The following RABGEF1 variants were observed in gnomAD, a reference collection of about 807,000 sequenced individuals.
The protein encoded by RABGEF1 is rab5 GDP/GTP exchange factor.
A neutral mutation model predicts 57.3 loss-of-function variants in RABGEF1; 26 were observed. The observed-to-expected ratio is 0.45, with a 90% CI of 0.33 to 0.63. The LOEUF is 0.63. Ranked by LOEUF, RABGEF1 falls within the 20% of genes least tolerant of loss-of-function variation. RABGEF1 has a pLI of 0.02. For missense variants in RABGEF1, 464 were observed against 607.6 expected, an observed-to-expected ratio of 0.76 and a Z score of 2.48; for synonymous variants, 185 against 210.7, an observed-to-expected ratio of 0.88 and a Z score of 1.06.
chr7:66,800,165 A>C (rs1371715058), intron 7 of RABGEF1, among the ~76,000 whole-genome samples: 1 of 152,240 alleles, frequency 6.6e-6, no homozygotes, highest in Non-Finnish European at 1.5e-5. Flanking sequence ...AACTGATATT[A>C]GTAGTGTTGG....
chr7:66,758,801 G>A (rs2129077616), intron 1 of RABGEF1, among the ~76,000 whole-genome samples: 1 of 152,304 alleles, frequency 6.6e-6, no homozygotes, highest in East Asian at 1.9e-4. Flanking sequence ...GCAGCAGAAT[G>A]ATCTGAGTGT....
chr7:66,747,090 G>A (rs551036191), intron 1 of RABGEF1, among the ~76,000 whole-genome samples: 63 of 152,174 alleles, frequency 4.1e-4, no homozygotes, highest in African/African-American at 1.3e-3. Flanking sequence ...TACCGTGCCC[G>A]GCCCTAGTGG....
At position 66,809,137 on chromosome 7, in the gene RABGEF1, T is replaced by A. The variant is rs140029644; in HGVS notation, c.1329T>A (p.Asp443Glu). 1.3e-5 allele frequency: 21 copies of A among 1,614,050 alleles called. No homozygotes were observed. In the African/African-American group the frequency reaches 2.5e-4, roughly 19 times the overall value. The change falls in exon 9 of 9, where the codon GAT (aspartate) becomes GAA (glutamate). Residue 443 changes from aspartate (D) to glutamate (E), a missense_variant. Physicochemically the swap from Asp to Glu is conservative, Grantham distance 45. This residue lies in a region of RABGEF1 where 151 missense variants were observed against 152.2 expected (regional missense o/e 0.99). Coordinates refer to ENST00000284957, the MANE Select transcript of RABGEF1 (RefSeq NM_014504.3). ...KLEKDLIDWT[D>E]GIAREVQDIV... ...AAAAAGACCTCATAGATTGGACAGATGGAATTGCAAGAGAAGTTCAAGACA... is the reference window on the plus strand; with the variant it reads ...AAAAAGACCTCATAGATTGGACAGAAGGAATTGCAAGAGAAGTTCAAGACA...
At chr7:66,777,626 A>G (rs550733339) in intron 3 of RABGEF1, among the ~76,000 whole-genome samples, 20 of 152,236 alleles carry the variant, frequency 1.3e-4, no homozygotes, top group Middle Eastern at 3.4e-3. Context: ...TGTACTTTAA[A>G]AAGAAACATT....
chr7:66,752,220 G>A (rs1801601181), intron 1 of RABGEF1, among the ~76,000 whole-genome samples: 1 of 151,832 alleles, frequency 6.6e-6, no homozygotes, highest in African/African-American at 2.4e-5. Flanking sequence ...TTGGCTGGGC[G>A]AGGTGGCTCA....
rs199965735 is a variant in RABGEF1 at position 66,706,778 on chromosome 7, G to GTT, written c.-872-5369_-872-5368dup. Among the ~76,000 whole-genome samples the GTT allele has an allele frequency of 9.3e-4, 112 of 120,670 alleles. 1 individual carries two copies. The highest frequency in any genetic ancestry group is 1.2e-3 in the Non-Finnish European group (68 of 58,516). 79.2% of individuals were successfully genotyped at this position (120,670 alleles called of 152,430 possible). On this transcript the variant is annotated intron_variant and NMD_transcript_variant, in intron 1 of 9. Coordinates refer to the RABGEF1 transcript ENST00000607882. Reference sequence around the variant, plus strand: ...ATTTACCTTCTTCTTTGACATACTGGTTTTTTTTTTTTTTTTTTTTTGAGA... The same window carrying GTT: ...ATTTACCTTCTTCTTTGACATACTGGTTTTTTTTTTTTTTTTTTTTTTTGAGA...
At chr7:66,741,250 C>T (rs1490796933) in intron 1 of RABGEF1, among the ~76,000 whole-genome samples, 2 of 152,184 alleles carry the variant, frequency 1.3e-5, no homozygotes, top group African/African-American at 4.8e-5. Flanking sequence ...CAGACCACAG[C>T]CCCCGGCCGC....
At position 66,797,472 on chromosome 7, in the gene RABGEF1, G is replaced by A; in HGVS notation, c.694G>A (p.Glu232Lys). ...ATTCTGTCCAGAAACTACTGATGAT[G>A]AGAAGAAAGATCTTGCCATTCAAAA... ...YVFCPETTDD[E>K]KKDLAIQKRI... Residue 232 changes from glutamate to lysine, a missense_variant, in exon 6 of 9, where the codon GAG (glutamate) becomes AAG (lysine). Physicochemically the swap from Glu to Lys is moderately conservative, Grantham distance 56. Coordinates refer to ENST00000284957, the MANE Select transcript of RABGEF1 (RefSeq NM_014504.3). 2 of 1,611,072 alleles carry A rather than the reference G, an allele frequency of 1.2e-6. No individual in the cohort carries two copies. Among genetic ancestry groups the A allele is most frequent in the Non-Finnish European group, 1.7e-6 (2 of 1,179,520 alleles).
chr7:66,766,865 C>T (rs1271623454), intron 1 of RABGEF1, among the ~76,000 whole-genome samples: 1 of 151,996 alleles, frequency 6.6e-6, no homozygotes, highest in East Asian at 1.9e-4. Context: ...CCTGGGATTA[C>T]AGGCAAGCGC....
chr7:66,744,881 T>A (rs1248605220), intron 1 of RABGEF1, among the ~76,000 whole-genome samples: 1 of 152,030 alleles, frequency 6.6e-6, no homozygotes, highest in Non-Finnish European at 1.5e-5. Context: ...TGATTTTTTG[T>A]TGCTGGTTTT....
At chr7:66,660,347 CAAA>C in the RABGEF1 span, among the ~76,000 whole-genome samples, 2 of 82,654 alleles carry the variant, frequency 2.4e-5, no homozygotes, top group Non-Finnish European at 2.5e-5. Flanking sequence ...GACTCCATCT[CAAA>C]AAAAAAAAAA....
chr7:66,708,341 G>A (rs961440274), intron 1 of RABGEF1, among the ~76,000 whole-genome samples: 3 of 151,502 alleles, frequency 2.0e-5, no homozygotes, highest in Admixed American at 2.0e-4. Context: ...AAGCTGGAGT[G>A]CAGTGGCGCA....
chr7:66,700,649 T>C lies in RABGEF1; in HGVS notation c.-872-11518T>C, dbSNP rs1320769779. On this transcript the variant is annotated intron_variant and NMD_transcript_variant, in intron 1 of 9. Coordinates refer to the RABGEF1 transcript ENST00000607882. ...TTCGTGCGTAGCAGGGGGCCCAGGC[T>C]TTCCCTCCCTGGTCACACTTCTGCC... Among the ~76,000 whole-genome samples the C allele has an allele frequency of 2.0e-5, 3 of 152,296 alleles. No individual in the cohort carries two copies. In the East Asian group the frequency reaches 5.8e-4, roughly 29 times the overall value.
chr7:66,709,071 G>T (rs528175226), intron 1 of RABGEF1, among the ~76,000 whole-genome samples: 1 of 151,256 alleles, frequency 6.6e-6, no homozygotes, highest in African/African-American at 2.4e-5. Context: ...AGGCTAGAGC[G>T]CAATGGCACA....
chr7:66,667,669 A>C, the RABGEF1 span: 1 of 152,242 alleles, frequency 6.6e-6, no homozygotes, highest in Non-Finnish European at 1.5e-5. Flanking sequence ...AATTGGTATT[A>C]ATAAGCCTGT....
At chr7:66,785,617 G>T (rs553664532) in intron 4 of RABGEF1, among the ~76,000 whole-genome samples, 1 of 152,322 alleles carries the variant, frequency 6.6e-6, no homozygotes, top group South Asian at 2.1e-4. Flanking sequence ...GCTCACGCCT[G>T]TAATCCCAAC....
At chr7:66,731,324 G>T (rs1797284691) in intron 2 of RABGEF1, among the ~76,000 whole-genome samples, 3 of 152,116 alleles carry the variant, frequency 2.0e-5, no homozygotes, top group African/African-American at 7.2e-5. Context: ...GGAAGAAGGG[G>T]GTCACAGGAG....
intron 1 of RABGEF1, among the ~76,000 whole-genome samples, chr7:66,710,328 G>A (rs2707825): frequency 1 from 152,339 of 152,376 alleles, 76,151 homozygotes; most frequent in Middle Eastern, 1. Context: ...GCTTTTACCA[G>A]TAAAGATGCT....
At chr7:66,806,902 C>T (rs1788562689) in intron 8 of RABGEF1, among the ~76,000 whole-genome samples, 1 of 152,102 alleles carries the variant, frequency 6.6e-6, no homozygotes, top group South Asian at 2.1e-4. Context: ...CCTCAGTTTC[C>T]CACAGTGTTG....
Sources: allele counts gnomAD v4.1 joint callset (sites outside exome capture counted in the v4.1 genomes callset), GRCh38; gene constraint gnomAD v4.1.1; regional missense constraint gnomAD v4.1.1; transcripts MANE v1.5; gene names NCBI Gene and HGNC (gene_info 2026-07-23, HGNC 2026-07-21).